The following MRI1 variants were observed in gnomAD, a reference collection of about 807,000 sequenced individuals.
MRI1 encodes the protein methylthioribose-1-phosphate isomerase.
In MRI1, 32 loss-of-function variants were observed where a neutral mutation model predicts 27.3. The ratio of observed to expected loss-of-function variants is 1.17; its 90% CI spans 0.88 to 1.57. The LOEUF is 1.57. Among genes scored for constraint, MRI1 ranks in the 40% most tolerant of loss-of-function variants. The pLI, the probability that MRI1 is intolerant of heterozygous loss-of-function variation, is 0.00. For missense variants in MRI1, 508 were observed against 516.1 expected (o/e 0.98, Z 0.15); for synonymous variants, 216 against 227.4 (o/e 0.95, Z 0.45).
At chr19:13,767,529 GTC>G (rs1414960028) in intron 3 of MRI1, among the ~76,000 whole-genome samples, 3 of 152,024 alleles carry the variant, frequency 2.0e-5, no homozygotes, top group Non-Finnish European at 4.4e-5. Context: ...GCAAGACCCT[GTC>G]TCTATTTTTA....
chr19:13,766,186 A>C (rs1974121181), intron 3 of MRI1, 57 bp downstream of exon 3: 1 of 1,452,834 alleles, frequency 6.9e-7, no homozygotes, highest in South Asian at 1.4e-5. Flanking sequence ...TTTTAGATAC[A>C]AGAGAAAGAA....
Position 13,768,997 on chromosome 19 carries a change from C to G in MRI1, c.898C>G (p.Arg300Gly), listed in dbSNP as rs1192763361. 3.1e-6 allele frequency: 5 copies of G among 1,613,736 alleles called. No individual in the cohort carries two copies. The highest frequency in any genetic ancestry group is 1.3e-5 in the African/African-American group (1 of 74,906). Residue 300 changes from arginine (R) to glycine (G), a missense_variant, in exon 5 of 6, where the codon CGA becomes GGA. Coordinates refer to ENST00000040663, the MANE Select transcript of MRI1 (RefSeq NM_001031727.4). ...ETGKEIIIEE[R>G]PGQELTDVNG... ...CGGCAAGGAGATCATTATTGAAGAG[C>G]GACCGGGCCAGGAGCTGACCGATGT...
At chr19:13,766,977 C>T (rs1317346908) in intron 3 of MRI1, among the ~76,000 whole-genome samples, 5 of 137,982 alleles carry the variant, frequency 3.6e-5, no homozygotes, top group Non-Finnish European at 1.5e-5. Context: ...TATAAAAATG[C>T]CATCATATTT....
At chr19:13,771,375 C>CA (rs1271664752) in intron 5 of MRI1, among the ~76,000 whole-genome samples, 4 of 150,910 alleles carry the variant, frequency 2.7e-5, no homozygotes, top group East Asian at 2.0e-4. Flanking sequence ...CTCAAAAAAA[C>CA]AAAAAAACAG....
intron 2 of MRI1, 87 bp from the exon 3 acceptor site, chr19:13,765,867 C>G (rs1426865682): frequency 1.2e-5 from 17 of 1,441,072 alleles, no homozygotes; most frequent in Non-Finnish European, 1.5e-5. Flanking sequence ...CAGGAGGGCT[C>G]CAGGACAGCA....
At position 13,767,861 on chromosome 19, in the gene MRI1, C is replaced by CTTTTTTTT. The variant is rs1170108927; in HGVS notation, c.548-682_548-675dup. Among the ~76,000 whole-genome samples, 248 of 61,078 alleles carry CTTTTTTTT rather than the reference C, an allele frequency of 4.1e-3. 16 individuals are homozygous for CTTTTTTTT. The highest frequency in any genetic ancestry group is 6.1e-3 in the East Asian group (10 of 1,640). The allele number at this position is 61,078 out of a possible 152,430, so 40.1% of individuals were successfully genotyped here. On this transcript the variant is annotated intron_variant, in intron 3 of 5. Transcript: ENST00000040663. The stretch of plus-strand genomic sequence containing the variant: ...TCTTTTCAAGTATTTTCTTTCTTTC[C>CTTTTTTTT]TTTTTTTTTTTTTTTTTTTTTTTTT...
At chr19:13,767,861 CT>C (rs1170108927) in intron 3 of MRI1, among the ~76,000 whole-genome samples, 1,344 of 61,014 alleles carry the variant, frequency 0.022, 10 homozygotes, top group African/African-American at 0.073. Flanking sequence ...TCTTTCTTTC[CT>C]TTTTTTTTTT....
At chr19:13,766,447 G>T (rs369775876) in intron 3 of MRI1, among the ~76,000 whole-genome samples, 1 of 152,164 alleles carries the variant, frequency 6.6e-6, no homozygotes, top group East Asian at 1.9e-4. Context: ...TTGTATCTCA[G>T]GGGGTCCACT....
chr19:13,768,728 G>C lies in MRI1; in HGVS notation c.715G>C (p.Gly239Arg), dbSNP rs951278152. ...SMVAAAMAHR[G>R]VSAVVVGADR... ...GGTGGCTGCTGCCATGGCCCATAGG[G>C]GCGTGTCAGGTAAGCAGACGGTAAG... is the stretch of plus-strand genomic sequence containing the variant. Residue 239 changes from glycine (G) to arginine (R), a missense_variant, in exon 4 of 6, where the codon GGC becomes CGC. Physicochemically the swap from Gly to Arg is moderately radical, Grantham distance 125. Coordinates refer to ENST00000040663, the MANE Select transcript of MRI1 (RefSeq NM_001031727.4). 14 of 1,612,804 alleles carry C rather than the reference G, an allele frequency of 8.7e-6. No individual in the cohort carries two copies. Among genetic ancestry groups the C allele is most frequent in the Non-Finnish European group, 9.3e-6 (11 of 1,179,420 alleles).
rs753279883 is a variant in MRI1 at position 13,765,089 on chromosome 19, G to A, written c.351G>A (p.Thr117=). The A allele has an allele frequency of 5.1e-5, 78 of 1,539,208 alleles. No individual in the cohort carries two copies. Among genetic ancestry groups the A allele is most frequent in the Non-Finnish European group, 6.4e-5 (73 of 1,149,512 alleles). The part of the protein sequence containing the change: ...AAREAEREGA[T]EEAVRERVIC... Reference sequence around the variant, plus strand: ...GGGAGGCCGAACGGGAGGGCGCTACGGAAGAGGCGGTCCGGGAGAGGTACG... The same window carrying A: ...GGGAGGCCGAACGGGAGGGCGCTACAGAAGAGGCGGTCCGGGAGAGGTACG... The change falls in exon 2 of 6, where the codon ACG becomes ACA. Residue 117 remains threonine (T), a synonymous_variant. Transcript: ENST00000040663.
rs764857671 is a variant in MRI1 at position 13,769,056 on chromosome 19, G to A, written c.949+8G>A. On this transcript the variant is annotated splice_region_variant and intron_variant, in intron 5 of 5. Transcript: ENST00000040663. ...TCCGGATTGCAGCACCTGGTAAGCT[G>A]CCCCCTCAGAAAGGGGACACCCCAG... 6.3e-7 allele frequency: 1 copy of A among 1,596,274 alleles called. No homozygotes were observed. The highest frequency in any genetic ancestry group is 8.6e-7 in the Non-Finnish European group (1 of 1,168,276).
chr19:13,772,149 T>A lies in MRI1; in HGVS notation c.978T>A (p.Asp326Glu), dbSNP rs756157575. 1 of 1,613,606 alleles carries A rather than the reference T, an allele frequency of 6.2e-7. No individual in the cohort carries two copies. Among genetic ancestry groups the A allele is most frequent in the African/African-American group, 1.3e-5 (1 of 75,000 alleles). ...TTGGAGTTTGGAATCCTGCCTTCGA[T>A]GTCACCCCCCACGACCTCATCACTG... ...PGIGVWNPAF[D>E]VTPHDLITGG... Residue 326 changes from aspartate (D) to glutamate (E), a missense_variant, in exon 6 of 6, where the codon GAT becomes GAA. Asp to Glu is a conservative substitution (Grantham distance 45, BLOSUM62 2). Coordinates refer to ENST00000040663, the MANE Select transcript of MRI1 (RefSeq NM_001031727.4).
At chr19:13,771,688 C>T (rs1218795926) in intron 5 of MRI1, among the ~76,000 whole-genome samples, 2 of 151,950 alleles carry the variant, frequency 1.3e-5, no homozygotes, top group Non-Finnish European at 2.9e-5. Flanking sequence ...ATGGAAAAAC[C>T]TCGTCTCTAC....
chr19:13,765,178 C>G, intron 2 of MRI1, 69 bp downstream of exon 2: 2 of 1,260,818 alleles, frequency 1.6e-6, no homozygotes, highest in South Asian at 1.6e-5. Context: ...GTACAGTGAC[C>G]CACTATACAG....
chr19:13,767,769 A>C (rs1419761160), intron 3 of MRI1, among the ~76,000 whole-genome samples: 3 of 149,554 alleles, frequency 2.0e-5, no homozygotes, highest in African/African-American at 7.4e-5. Context: ...TTGCTCTGTC[A>C]CCCAGGCTGG....
chr19:13,769,090 C>T (rs1262277426), intron 5 of MRI1, 42 bp downstream of exon 5: 1 of 1,515,738 alleles, frequency 6.6e-7, no homozygotes, highest in South Asian at 1.2e-5. Context: ...AGCTCCTGGG[C>T]ACTTCATGGA....
intron 3 of MRI1, among the ~76,000 whole-genome samples, chr19:13,766,923 G>GAT (rs1454428176): frequency 6.8e-6 from 1 of 147,384 alleles, no homozygotes; most frequent in Non-Finnish European, 1.5e-5. Context: ...CTGGTTCCAG[G>GAT]ACCTCCCACA....
At chr19:13,769,238 C>T (rs1233809146) in intron 5 of MRI1, among the ~76,000 whole-genome samples, 190 bp downstream of exon 5, 1 of 152,130 alleles carries the variant, frequency 6.6e-6, no homozygotes, top group Non-Finnish European at 1.5e-5. Context: ...ATCTGGGCTC[C>T]CTGCAACCTC....
Position 13,765,124 on chromosome 19 carries a change from T to C in MRI1, c.371+15T>C. On this transcript the variant is annotated intron_variant, in intron 2 of 5. Transcript: ENST00000040663. ...GTCCGGGAGAGGTACGGGGATCTGG[T>C]ACCAGGCACGGCGCTGAGCAGGAAT... is the stretch of plus-strand genomic sequence containing the variant. The C allele has an allele frequency of 6.6e-7, 1 of 1,510,388 alleles. No homozygotes were observed. Among genetic ancestry groups the C allele is most frequent in the Non-Finnish European group, 8.8e-7 (1 of 1,129,950 alleles). 93.6% of individuals were successfully genotyped at this position (1,510,388 alleles called of 1,614,324 possible).
Sources: allele counts gnomAD v4.1 joint callset (sites outside exome capture counted in the v4.1 genomes callset), GRCh38; gene constraint gnomAD v4.1.1; transcripts MANE v1.5; gene names NCBI Gene and HGNC (gene_info 2026-07-23, HGNC 2026-07-21).